Variants in GALNT13 observed in about 807,000 individuals in gnomAD.
GALNT13 encodes the protein polypeptide N-acetylgalactosaminyltransferase 13.
Under a neutral mutation model 64.2 loss-of-function variants are expected in GALNT13, and 28 were observed. The observed-to-expected ratio is 0.44, with a 90% CI of 0.32 to 0.60. The LOEUF is 0.60. Among genes scored for constraint, GALNT13 ranks in the 20% least tolerant of loss-of-function variants. The pLI, the probability that GALNT13 is intolerant of heterozygous loss-of-function variation, is 0.05. For synonymous variants in GALNT13, 214 were observed against 224.6 expected, an observed-to-expected ratio of 0.95 and a Z score of 0.42; for missense variants, 577 against 669.8, an observed-to-expected ratio of 0.86 and a Z score of 1.53.
chr2:154,297,545 T>A (rs933560000), intron 8 of GALNT13, among the ~76,000 whole-genome samples: 9 of 152,164 alleles, frequency 5.9e-5, no homozygotes, highest in African/African-American at 1.9e-4. Flanking sequence ...CATCTACAAG[T>A]CAGCAAGAAC....
chr2:153,535,461 T>C, the GALNT13 span, among the ~76,000 whole-genome samples: 1 of 152,122 alleles, frequency 6.6e-6, no homozygotes, highest in Non-Finnish European at 1.5e-5. Context: ...GAGCAGGGCA[T>C]GTATGAGTAG....
At chr2:153,773,628 G>T in the GALNT13 span, among the ~76,000 whole-genome samples, 2 of 152,142 alleles carry the variant, frequency 1.3e-5, no homozygotes, top group East Asian at 1.9e-4. Context: ...AGAGAAGAAT[G>T]GTTGTCACAT....
the GALNT13 span, among the ~76,000 whole-genome samples, chr2:153,856,960 C>T: frequency 2.0e-5 from 3 of 152,106 alleles, no homozygotes; most frequent in East Asian, 1.9e-4. Context: ...ATGGATATAT[C>T]GCATGAACAC....
At chr2:153,691,458 CT>C in the GALNT13 span, among the ~76,000 whole-genome samples, 1 of 151,980 alleles carries the variant, frequency 6.6e-6, no homozygotes, top group South Asian at 2.1e-4. Flanking sequence ...TCATTAAAAG[CT>C]TTTAAGTCCA....
At chr2:154,208,103 A>G (rs1687562025) in intron 4 of GALNT13, among the ~76,000 whole-genome samples, 1 of 152,208 alleles carries the variant, frequency 6.6e-6, no homozygotes, top group African/African-American at 2.4e-5. Flanking sequence ...GAGGAAATCT[A>G]TCATGTAGTT....
At chr2:154,353,929 A>G (rs1696562840) in intron 9 of GALNT13, among the ~76,000 whole-genome samples, 1 of 152,182 alleles carries the variant, frequency 6.6e-6, no homozygotes, top group Non-Finnish European at 1.5e-5. Flanking sequence ...ATATATCAAG[A>G]AGATGGATTG....
the GALNT13 span, among the ~76,000 whole-genome samples, chr2:153,794,562 C>T: frequency 2.6e-5 from 4 of 151,582 alleles, no homozygotes; most frequent in South Asian, 8.4e-4. Flanking sequence ...GCTCTGTCAC[C>T]CAGGCGAGAA....
intron 3 of GALNT13, among the ~76,000 whole-genome samples, chr2:154,024,732 G>T (rs556036218): frequency 6.5e-4 from 99 of 152,254 alleles, no homozygotes; most frequent in Non-Finnish European, 1.3e-3. Context: ...TCCGTTGCTG[G>T]TGAGGAGCTG....
the GALNT13 span, among the ~76,000 whole-genome samples, chr2:153,099,656 G>A: frequency 2.2e-4 from 33 of 152,238 alleles, no homozygotes; most frequent in Non-Finnish European, 3.4e-4. Flanking sequence ...AATTATAGGT[G>A]TAACTCTATT....
the GALNT13 span, among the ~76,000 whole-genome samples, chr2:153,125,026 T>C: frequency 0.3 from 45,796 of 151,980 alleles, 7,383 homozygotes; most frequent in Middle Eastern, 0.43. Context: ...CAAATAAAAA[T>C]ACAGGATTAC....
the GALNT13 span, among the ~76,000 whole-genome samples, chr2:153,269,162 CT>C: frequency 1.3e-5 from 2 of 151,492 alleles, no homozygotes; most frequent in African/African-American, 4.8e-5. Context: ...ATTTTTAAAA[CT>C]TTTTATGTTC....
the GALNT13 span, among the ~76,000 whole-genome samples, chr2:153,486,329 C>T: frequency 6.6e-6 from 1 of 152,258 alleles, no homozygotes; most frequent in African/African-American, 2.4e-5. Context: ...TATTTATATT[C>T]TTATGGCACT....
At chr2:153,783,173 T>A in the GALNT13 span, among the ~76,000 whole-genome samples, 1 of 152,188 alleles carries the variant, frequency 6.6e-6, no homozygotes, top group Non-Finnish European at 1.5e-5. Flanking sequence ...ATTATGAGGA[T>A]ACATTTCTGA....
At chr2:154,164,039 A>G (rs562737742) in intron 4 of GALNT13, among the ~76,000 whole-genome samples, 3 of 152,204 alleles carry the variant, frequency 2.0e-5, no homozygotes, top group Non-Finnish European at 2.9e-5. Flanking sequence ...ACCATTTGGC[A>G]TGCCAAATAG....
intron 3 of GALNT13, among the ~76,000 whole-genome samples, chr2:154,110,750 G>T (rs2105489267): frequency 6.6e-6 from 1 of 152,018 alleles, no homozygotes; most frequent in African/African-American, 2.4e-5. Flanking sequence ...TCAATACTTT[G>T]CATCCTTCAA....
chr2:153,256,042 C>A, the GALNT13 span, among the ~76,000 whole-genome samples: 2 of 152,072 alleles, frequency 1.3e-5, no homozygotes, highest in East Asian at 1.9e-4. Context: ...AGTTCTCCTG[C>A]ATAATATCCT....
At chr2:154,055,265 A>G (rs1355104818) in intron 3 of GALNT13, among the ~76,000 whole-genome samples, 1 of 151,942 alleles carries the variant, frequency 6.6e-6, no homozygotes, top group Non-Finnish European at 1.5e-5. Context: ...GGGTTCCTTC[A>G]CCTTCAGGCA....
rs1200105901 is a variant in GALNT13 at position 154,245,930 on chromosome 2, G to A, written c.805G>A (p.Val269Ile). The A allele has an allele frequency of 3.1e-6, 5 of 1,613,228 alleles. No individual in the cohort carries two copies. In the South Asian group the frequency reaches 3.3e-5, roughly 11 times the overall value. ...NWKLNFRWYP[V>I]PQREMDRRKG... ...GAAACTGAATTTCCGCTGGTATCCTGTTCCCCAAAGAGAAATGGACAGGAG... is the reference window on the plus strand; with the variant it reads ...GAAACTGAATTTCCGCTGGTATCCTATTCCCCAAAGAGAAATGGACAGGAG... Residue 269 changes from valine (V) to isoleucine (I), a missense_variant, in exon 7 of 13, where the codon GTT becomes ATT. Physicochemically the swap from Val to Ile is conservative, Grantham distance 29 (BLOSUM62 3). Coordinates refer to ENST00000392825, the MANE Select transcript of GALNT13 (RefSeq NM_052917.4).
the GALNT13 span, among the ~76,000 whole-genome samples, chr2:153,482,043 A>G: frequency 6.6e-6 from 1 of 152,208 alleles, no homozygotes; most frequent in Admixed American, 6.5e-5. Context: ...AAAGCCAGAA[A>G]TAAGCAAAAT....
Sources: allele counts gnomAD v4.1 joint callset (sites outside exome capture counted in the v4.1 genomes callset), GRCh38; gene constraint gnomAD v4.1.1; transcripts MANE v1.5; gene names NCBI Gene and HGNC (gene_info 2026-07-23, HGNC 2026-07-21).